LHFPL7: variants seen among roughly 807,000 people sequenced by gnomAD.
The protein encoded by LHFPL7 is LHFPL tetraspan subfamily member 7, also known as LHFPL tetraspan subfamily member 7 protein.
chr22:24,943,559 G>A, the LHFPL7 span, among the ~76,000 whole-genome samples: 6 of 152,208 alleles, frequency 3.9e-5, no homozygotes, highest in Admixed American at 2.0e-4. Context: ...CACCTGATGC[G>A]ATAGATACTA....
the LHFPL7 span, chr22:24,939,499 G>A: frequency 1.4e-6 from 1 of 702,996 alleles, no homozygotes. Flanking sequence ...GTGCAGGTCA[G>A]AGAGAGCCCC....
chr22:24,935,673 C>A, the LHFPL7 span: 303 of 1,508,624 alleles, frequency 2.0e-4, no homozygotes, highest in Non-Finnish European at 2.6e-4. Context: ...ACTCATCCAC[C>A]CTTTATCCAC....
chr22:24,942,346 A>T, the LHFPL7 span, among the ~76,000 whole-genome samples: 1 of 152,236 alleles, frequency 6.6e-6, no homozygotes, highest in African/African-American at 2.4e-5. Flanking sequence ...GTCTTACTTT[A>T]ATAATAGTCA....
At chr22:24,938,287 C>T in the LHFPL7 span, 9 of 1,612,922 alleles carry the variant, frequency 5.6e-6, no homozygotes, top group South Asian at 9.9e-5. Context: ...ACAGCTGAGA[C>T]CTGCAGGGAA....
the LHFPL7 span, chr22:24,935,632 A>G: frequency 6.3e-7 from 1 of 1,586,238 alleles, no homozygotes; most frequent in Non-Finnish European, 8.6e-7. Context: ...TGTGTTGGCC[A>G]AGGGGTACCT....
At chr22:24,935,492 G>A in the LHFPL7 span, 1 of 1,613,970 alleles carries the variant, frequency 6.2e-7, no homozygotes, top group Non-Finnish European at 8.5e-7. Flanking sequence ...AACCCAGCCG[G>A]CACTTCCCAC....
the LHFPL7 span, among the ~76,000 whole-genome samples, chr22:24,942,353 GT>G: frequency 6.6e-6 from 1 of 152,234 alleles, no homozygotes; most frequent in East Asian, 1.9e-4. Flanking sequence ...TTTAATAATA[GT>G]CATGGTTTCA....
At chr22:24,940,718 T>TTTCCTTCC in the LHFPL7 span, among the ~76,000 whole-genome samples, 6 of 119,794 alleles carry the variant, frequency 5.0e-5, no homozygotes, top group East Asian at 1.2e-3. Context: ...CTTCCCTTTC[T>TTTCCTTCC]TTCCTTCCTT....
At chr22:24,939,249 C>T in the LHFPL7 span, 2 of 695,502 alleles carry the variant, frequency 2.9e-6, no homozygotes, top group Admixed American at 2.0e-5. Context: ...GGAAAGCCTC[C>T]TCGAATTCCG....
chr22:24,942,735 GCAGA>G, the LHFPL7 span, among the ~76,000 whole-genome samples: 1 of 152,174 alleles, frequency 6.6e-6, no homozygotes, highest in African/African-American at 2.4e-5. Flanking sequence ...TGGACTAGGG[GCAGA>G]CAGTGTTGGG....
chr22:24,939,868 CA>C, the LHFPL7 span, among the ~76,000 whole-genome samples: 4 of 150,630 alleles, frequency 2.7e-5, no homozygotes, highest in African/African-American at 9.7e-5. Flanking sequence ...GGGCTCTTCT[CA>C]TATTCCGTGC....
chr22:24,941,656 T>G, the LHFPL7 span, among the ~76,000 whole-genome samples: 51 of 152,044 alleles, frequency 3.4e-4, no homozygotes, highest in Admixed American at 2.4e-3. Flanking sequence ...ATTCAAATTT[T>G]TTTGTTTGTT....
the LHFPL7 span, among the ~76,000 whole-genome samples, chr22:24,943,338 A>G: frequency 6.6e-6 from 1 of 152,200 alleles, no homozygotes; most frequent in African/African-American, 2.4e-5. Context: ...AGGTGCCCAG[A>G]AACCTAAATG....
the LHFPL7 span, among the ~76,000 whole-genome samples, chr22:24,936,221 C>T: frequency 2.2e-3 from 338 of 152,212 alleles, 2 homozygotes; most frequent in African/African-American, 6.8e-3. Context: ...TTTATTCACT[C>T]ATCCATTCAT....
At chr22:24,946,675 A>G in the LHFPL7 span, 1 of 152,270 alleles carries the variant, frequency 6.6e-6, no homozygotes, top group African/African-American at 2.4e-5. Flanking sequence ...TTGAAGGAAT[A>G]ATTTAGCTTG....
At chr22:24,944,718 C>CTATTTATTTATT in the LHFPL7 span, among the ~76,000 whole-genome samples, 461 of 149,088 alleles carry the variant, frequency 3.1e-3, 4 homozygotes, top group African/African-American at 0.011. Context: ...ACATGCCTGG[C>CTATTTATTTATT]TATTTATTTA....
the LHFPL7 span, chr22:24,935,588 G>T: frequency 6.2e-7 from 1 of 1,610,580 alleles, no homozygotes; most frequent in South Asian, 1.1e-5. Flanking sequence ...CCACAATCAT[G>T]GCAGTAGCTG....
chr22:24,935,592 G>C, the LHFPL7 span: 1 of 1,609,996 alleles, frequency 6.2e-7, no homozygotes, highest in Non-Finnish European at 8.5e-7. Context: ...AATCATGGCA[G>C]TAGCTGGAGA....
chr22:24,946,172 T>C, the LHFPL7 span, among the ~76,000 whole-genome samples: 1 of 152,066 alleles, frequency 6.6e-6, no homozygotes, highest in Non-Finnish European at 1.5e-5. Flanking sequence ...TAGCTGGGCA[T>C]GGTGGCGGGT....
Sources: gnomAD v4.1 joint callset for allele counts (sites outside exome capture counted in the v4.1 genomes callset) on GRCh38, gnomAD v4.1.1 for gene constraint, MANE v1.5 for transcripts, NCBI Gene and HGNC (gene_info 2026-07-23, HGNC 2026-07-21) for gene names.